The following NCBP1 variants were observed in gnomAD, a reference collection of about 807,000 sequenced individuals.
NCBP1 encodes nuclear cap binding protein subunit 1, also known as nuclear cap-binding protein subunit 1.
Under a neutral mutation model 111.7 loss-of-function variants are expected in NCBP1, and 16 were observed. The observed-to-expected ratio is 0.14, with a 90% CI of 0.10 to 0.22. The LOEUF is 0.22. Ranked by LOEUF, NCBP1 falls within the 10% of genes least tolerant of loss-of-function variation. NCBP1 has a pLI of 1.00. For missense variants in NCBP1, 607 were observed against 957.5 expected (o/e 0.63, Z 4.83); for synonymous variants, 304 against 314.3 (o/e 0.97, Z 0.35).
rs1056593602 is a variant in NCBP1 at position 97,647,616 on chromosome 9, C to T, written c.681+55C>T. 8.6e-6 allele frequency: 12 copies of T among 1,399,066 alleles called. 1 individual carries two copies. The highest frequency in any genetic ancestry group is 3.5e-5 in the South Asian group (3 of 85,482). 86.7% of individuals were successfully genotyped at this position (1,399,066 alleles called of 1,614,324 possible). A position where few individuals can be genotyped will look rare whatever the true frequency, so the allele number is the denominator to read the frequency against. On this transcript the variant is annotated intron_variant, in intron 7 of 22. Transcript: ENST00000375147. ...AACACAGTCAGCTCTTGAATAGATT[C>T]TTATCTCTGTAAGATACTCAGACCA...
rs1827252180 is a variant in NCBP1, at chr9:97,643,372, T to A, written c.381+12T>A. ...AAGCCGTGTATTTGGTAAGTTAGTT[T>A]GTTTGTTGGTATGTTATGACTACTG... is the stretch of plus-strand genomic sequence containing the variant. On this transcript the variant is annotated intron_variant, in intron 4 of 22. Transcript: ENST00000375147. The A allele has an allele frequency of 6.3e-7, 1 of 1,582,636 alleles. No individual in the cohort carries two copies. The highest frequency in any genetic ancestry group is 8.6e-7 in the Non-Finnish European group (1 of 1,168,514).
At chr9:97,655,961 G>GT (rs745578145) in intron 13 of NCBP1, 50 bp from the exon 14 acceptor site, 3 of 1,520,854 alleles carry the variant, frequency 2.0e-6, no homozygotes, top group Non-Finnish European at 2.7e-6. Flanking sequence ...ACAAATGGGT[G>GT]TAAGTGCAGA....
In NCBP1 at chr9:97,650,388, A is replaced by G. The variant is rs953657775; in HGVS notation, c.898-115A>G. ...AGAGCTTTAACACTTCAGAACTTTT[A>G]TCCCCATCACCCAGTTTAGTGCTTG... On this transcript the variant is annotated intron_variant, in intron 8 of 22. Transcript: ENST00000375147. The G allele has an allele frequency of 1.9e-5, 13 of 671,742 alleles. No homozygotes were observed. In the Admixed American group the frequency reaches 2.7e-4, roughly 14 times the overall value. 41.6% of individuals were successfully genotyped at this position (671,742 alleles called of 1,614,324 possible).
chr9:97,660,353 A>T (rs1425577548), intron 15 of NCBP1, among the ~76,000 whole-genome samples: 2 of 152,196 alleles, frequency 1.3e-5, no homozygotes, highest in African/African-American at 4.8e-5. Context: ...AAATTTTTAT[A>T]ATAAGGACTC....
chr9:97,634,297 C>T (rs1826928689), intron 1 of NCBP1, among the ~76,000 whole-genome samples: 1 of 152,202 alleles, frequency 6.6e-6, no homozygotes, highest in South Asian at 2.1e-4. Flanking sequence ...AAAGCTGCAC[C>T]TGAAAAGGGC....
At chr9:97,659,040 G>A (rs1827752763) in intron 15 of NCBP1, among the ~76,000 whole-genome samples, 1 of 152,200 alleles carries the variant, frequency 6.6e-6, no homozygotes, top group South Asian at 2.1e-4. Flanking sequence ...TATTTGTCAT[G>A]GTGATGGAGG....
In NCBP1 at chr9:97,638,256, C is replaced by CT. The variant is rs776475460; in HGVS notation, c.35-2535dup. Among the ~76,000 whole-genome samples, 4 of 152,282 alleles carry CT rather than the reference C, an allele frequency of 2.6e-5. No homozygotes were observed. The South Asian group carries it at 8.3e-4, about 32-fold the overall frequency. ...GTGGAACATTTCTTACCTCTTAATA[C>CT]TTTCTGCCTCCTCCCATTCTCCAGA... On this transcript the variant is annotated intron_variant, in intron 1 of 22. Transcript: ENST00000375147.
At chr9:97,654,643 A>G (rs1366914392) in intron 11 of NCBP1, among the ~76,000 whole-genome samples, 1 of 152,132 alleles carries the variant, frequency 6.6e-6, no homozygotes, top group Non-Finnish European at 1.5e-5. Context: ...GCATGGGGAA[A>G]TTTGGGAGGT....
At chr9:97,648,383 A>G (rs1827404848) in intron 8 of NCBP1, among the ~76,000 whole-genome samples, 160 bp downstream of exon 8, 1 of 152,226 alleles carries the variant, frequency 6.6e-6, no homozygotes, top group Non-Finnish European at 1.5e-5. Context: ...AGTGAATGAT[A>G]TCACCTCATT....
At chr9:97,636,964 C>T (rs911304260) in intron 1 of NCBP1, among the ~76,000 whole-genome samples, 1 of 151,982 alleles carries the variant, frequency 6.6e-6, no homozygotes, top group Non-Finnish European at 1.5e-5. Context: ...AGCCATATAG[C>T]TGTATGGGGA....
Position 97,656,060 on chromosome 9 carries a change from A to G in NCBP1, c.1348A>G (p.Arg450Gly). The G allele has an allele frequency of 6.2e-7, 1 of 1,614,034 alleles. No homozygotes were observed. Among genetic ancestry groups the G allele is most frequent in the Non-Finnish European group, 8.5e-7 (1 of 1,179,918 alleles). ...DPESPKPKFV[R>G]EVLEKCMRLS... Reference sequence around the variant, plus strand: ...TGAAAGTCCCAAACCGAAGTTTGTAAGAGAAGTTCTAGAAAAATGTATGAG... The same window carrying G: ...TGAAAGTCCCAAACCGAAGTTTGTAGGAGAAGTTCTAGAAAAATGTATGAG... The change falls in exon 14 of 23, where the codon AGA (arginine) becomes GGA (glycine). Residue 450 changes from arginine to glycine, a missense_variant. By Grantham distance (125) the Arg-to-Gly change is moderately radical. This residue lies in a region of NCBP1 where 282 missense variants were observed against 376.5 expected (regional missense o/e 0.75). Transcript: ENST00000375147.
intron 20 of NCBP1, among the ~76,000 whole-genome samples, chr9:97,667,580 A>T (rs1828046734): frequency 6.6e-6 from 1 of 152,202 alleles, no homozygotes. Flanking sequence ...AAAGTGAGAC[A>T]TAGAGAAGTT....
intron 5 of NCBP1, 136 bp downstream of exon 5, chr9:97,645,360 CT>C: frequency 2.6e-6 from 2 of 766,736 alleles, no homozygotes; most frequent in Non-Finnish European, 4.2e-6. Flanking sequence ...GACTATCACA[CT>C]TTAAGTTCTT....
chr9:97,651,238 C>G, intron 9 of NCBP1, 72 bp from the exon 10 acceptor site: 1 of 1,294,076 alleles, frequency 7.7e-7, no homozygotes, highest in Non-Finnish European at 1.1e-6. Flanking sequence ...AAACACATTG[C>G]TTTTGAAACT....
chr9:97,653,764 T>C (rs1225327528), intron 10 of NCBP1, 34 bp from the exon 11 acceptor site: 1 of 1,524,816 alleles, frequency 6.6e-7, no homozygotes, highest in South Asian at 1.1e-5. Context: ...AAGATAGCAG[T>C]TGGATTGAAT....
At position 97,664,451 on chromosome 9, in the gene NCBP1, A is replaced by G. The variant is rs781550783; in HGVS notation, c.1901+8A>G. 1.3e-6 allele frequency: 2 copies of G among 1,561,858 alleles called. No individual in the cohort carries two copies. The highest frequency in any genetic ancestry group is 1.8e-6 in the Non-Finnish European group (2 of 1,134,592). On this transcript the variant is annotated splice_region_variant and intron_variant, in intron 19 of 22. Coordinates refer to ENST00000375147, the MANE Select transcript of NCBP1 (RefSeq NM_002486.5). ...ATCTCGTGACTTTACCAGGTAATATAAATTATTTTATGAAACTTGTGTTCC... is the reference window on the plus strand; with the variant it reads ...ATCTCGTGACTTTACCAGGTAATATGAATTATTTTATGAAACTTGTGTTCC...
chr9:97,653,119 CT>C (rs57742118), intron 10 of NCBP1, among the ~76,000 whole-genome samples: 345 of 123,554 alleles, frequency 2.8e-3, no homozygotes, highest in East Asian at 8.0e-3. Context: ...TAAAAGAATT[CT>C]TTTTTTTTTT....
chr9:97,662,822 A>G, intron 17 of NCBP1, 132 bp from the exon 18 acceptor site: 1 of 646,586 alleles, frequency 1.5e-6, no homozygotes, highest in Non-Finnish European at 2.6e-6. Flanking sequence ...TTGCATCCTT[A>G]ATGGTTAATA....
chr9:97,667,943 C>G (rs958430190), intron 20 of NCBP1, among the ~76,000 whole-genome samples: 10 of 152,126 alleles, frequency 6.6e-5, no homozygotes, highest in African/African-American at 2.4e-4. Context: ...GTCGTGTACC[C>G]ACGTGTCTAG....
Sources: gnomAD v4.1 joint callset for allele counts (sites outside exome capture counted in the v4.1 genomes callset) on GRCh38, gnomAD v4.1.1 for gene constraint, gnomAD v4.1.1 regional missense constraint, MANE v1.5 for transcripts, NCBI Gene and HGNC (gene_info 2026-07-23, HGNC 2026-07-21) for gene names.